SLC14A2: variants seen among roughly 807,000 people sequenced by gnomAD.
The protein encoded by SLC14A2 is urea transporter 2.
A neutral mutation model predicts 104.6 loss-of-function variants in SLC14A2; 91 were observed. That is an observed-to-expected ratio of 0.87 (90% CI 0.73 to 1.04). The LOEUF (loss-of-function observed/expected upper bound fraction) is 1.04, where lower values mean the gene tolerates loss of function less well. SLC14A2 is among the 50% of genes least tolerant of loss of function. SLC14A2 has a pLI of 0.00. For synonymous variants in SLC14A2, 476 were observed against 466.4 expected (o/e 1.02, Z -0.27); for missense variants, 1,189 against 1,156.0 (o/e 1.03, Z -0.41).
At chr18:45,209,026 TTA>T (rs1491534488), upstream of SLC14A2, among the ~76,000 whole-genome samples, 4 of 70,010 alleles carry the variant, frequency 5.7e-5, no homozygotes, top group Non-Finnish European at 9.6e-5. Context: ...TAACAGGCAT[TTA>T]AAAAAAAAAA....
At chr18:45,255,793 A>G (rs2091269153) in intron 1 of SLC14A2, among the ~76,000 whole-genome samples, 1 of 152,038 alleles carries the variant, frequency 6.6e-6, no homozygotes, top group South Asian at 2.1e-4. Context: ...TAAAAAGGAA[A>G]AGCATAAGCC....
chr18:45,566,824 A>G (rs2044272946), intron 2 of SLC14A2, among the ~76,000 whole-genome samples: 1 of 152,246 alleles, frequency 6.6e-6, no homozygotes, highest in Admixed American at 6.5e-5. Flanking sequence ...TCAGAAGGAC[A>G]GATTTATCAG....
chr18:45,630,077 T>A (rs554523138), intron 4 of SLC14A2, among the ~76,000 whole-genome samples: 2 of 152,206 alleles, frequency 1.3e-5, no homozygotes, highest in African/African-American at 4.8e-5. Flanking sequence ...CAGTACTAGA[T>A]TGAATTGTTC....
chr18:45,434,353 T>C (rs2086563084), intron 1 of SLC14A2, among the ~76,000 whole-genome samples: 1 of 152,202 alleles, frequency 6.6e-6, no homozygotes, highest in Non-Finnish European at 1.5e-5. Flanking sequence ...GACTCTGAGA[T>C]GTCAACAATA....
chr18:45,521,943 G>A (rs1254404210), intron 2 of SLC14A2, among the ~76,000 whole-genome samples: 6 of 152,158 alleles, frequency 3.9e-5, no homozygotes, highest in African/African-American at 7.2e-5. Flanking sequence ...CTTAGACATC[G>A]TTACTCTTTG....
chr18:45,550,350 C>G (rs1408815479), intron 2 of SLC14A2, among the ~76,000 whole-genome samples: 1 of 152,172 alleles, frequency 6.6e-6, no homozygotes, highest in African/African-American at 2.4e-5. Flanking sequence ...TTCCCACTTC[C>G]ATGCCCTTGT....
At chr18:45,366,606 G>A (rs1373465741) in intron 1 of SLC14A2, among the ~76,000 whole-genome samples, 1 of 152,080 alleles carries the variant, frequency 6.6e-6, no homozygotes, top group Non-Finnish European at 1.5e-5. Flanking sequence ...AGAAGCTGCT[G>A]GCTAGCTGCT....
chr18:45,170,608 C>G, the SLC14A2 span, among the ~76,000 whole-genome samples: 2 of 152,046 alleles, frequency 1.3e-5, no homozygotes, highest in African/African-American at 4.8e-5. Flanking sequence ...ATTGTCTAGC[C>G]AAAAATGCAG....
chr18:45,267,526 T>C (rs776459636), intron 1 of SLC14A2, among the ~76,000 whole-genome samples: 10 of 152,298 alleles, frequency 6.6e-5, no homozygotes, highest in Non-Finnish European at 1.5e-4. Flanking sequence ...AGGCAATCAT[T>C]TTCAAACATT....
chr18:45,375,318 C>T (rs920354942), intron 1 of SLC14A2, among the ~76,000 whole-genome samples: 3 of 152,212 alleles, frequency 2.0e-5, no homozygotes, highest in Admixed American at 6.5e-5. Flanking sequence ...CCCTAAACTG[C>T]TCCTAAGATC....
chr18:45,450,051 G>T (rs973365144), intron 1 of SLC14A2, among the ~76,000 whole-genome samples: 8 of 152,184 alleles, frequency 5.3e-5, no homozygotes, highest in African/African-American at 1.9e-4. Context: ...GCTAATGCCC[G>T]CTTCTTCTAT....
intron 1 of SLC14A2, among the ~76,000 whole-genome samples, chr18:45,229,818 C>T (rs539187530): frequency 7.5e-4 from 114 of 152,252 alleles, no homozygotes; most frequent in African/African-American, 2.5e-3. Flanking sequence ...AAAGTTGCTT[C>T]TGCGTTCCCA....
At chr18:45,268,957 G>GGTGTGTTTGTGTGTGT (rs1555670623) in intron 1 of SLC14A2, among the ~76,000 whole-genome samples, 3 of 89,060 alleles carry the variant, frequency 3.4e-5, no homozygotes, top group South Asian at 3.9e-4. Flanking sequence ...TTATGCTGTT[G>GGTGTGTTTGTGTGTGT]GTGTGTTTGT....
At chr18:45,582,879 G>C (rs1397209812) in intron 2 of SLC14A2, among the ~76,000 whole-genome samples, 1 of 152,098 alleles carries the variant, frequency 6.6e-6, no homozygotes, top group South Asian at 2.1e-4. Flanking sequence ...ACCACTGCCT[G>C]CCCAACCACC....
intron 4 of SLC14A2, among the ~76,000 whole-genome samples, chr18:45,630,931 C>G (rs1293663750): frequency 6.6e-6 from 1 of 152,166 alleles, no homozygotes; most frequent in African/African-American, 2.4e-5. Flanking sequence ...TATGCTCTCT[C>G]CTGCCCCTTT....
the SLC14A2 span, among the ~76,000 whole-genome samples, chr18:45,190,941 C>A: frequency 6.6e-6 from 1 of 152,120 alleles, no homozygotes; most frequent in African/African-American, 2.4e-5. Context: ...AAGGAAAATG[C>A]ATCATGTTTC....
At chr18:45,282,707 C>G (rs763938360) in intron 1 of SLC14A2, among the ~76,000 whole-genome samples, 9 of 152,182 alleles carry the variant, frequency 5.9e-5, no homozygotes, top group Non-Finnish European at 1.3e-4. Context: ...TTTCGAAATA[C>G]AGCAGGGCAT....
chr18:45,591,041 AC>A (rs1291967561), intron 2 of SLC14A2, among the ~76,000 whole-genome samples: 2 of 150,822 alleles, frequency 1.3e-5, no homozygotes, highest in Admixed American at 6.6e-5. Flanking sequence ...CACCCTCCCC[AC>A]TCCCAATCCC....
intron 1 of SLC14A2, among the ~76,000 whole-genome samples, chr18:45,463,215 G>T (rs1227197296): frequency 6.6e-6 from 1 of 152,162 alleles, no homozygotes; most frequent in African/African-American, 2.4e-5. Flanking sequence ...ACCTTAATCT[G>T]GGTTCCCTGT....
Sources: gnomAD v4.1 joint callset for allele counts (sites outside exome capture counted in the v4.1 genomes callset) on GRCh38, gnomAD v4.1.1 for gene constraint, MANE v1.5 for transcripts, NCBI Gene and HGNC (gene_info 2026-07-23, HGNC 2026-07-21) for gene names.